Variants in KIAA1549L observed in about 807,000 individuals in gnomAD.
KIAA1549L encodes KIAA1549 like, also known as UPF0606 protein KIAA1549L.
KIAA1549L carries 88 observed loss-of-function variants against 160.7 expected under a neutral mutation model. That is an observed-to-expected ratio of 0.55 (90% CI 0.46 to 0.65). The LOEUF (loss-of-function observed/expected upper bound fraction) is 0.65. Ranked by LOEUF, KIAA1549L falls within the 30% of genes least tolerant of loss-of-function variation. The pLI, the probability that KIAA1549L is intolerant of heterozygous loss-of-function variation, is 0.00. For synonymous variants in KIAA1549L, 950 were observed against 976.7 expected, an observed-to-expected ratio of 0.97 and a Z score of 0.51; for missense variants, 2,258 against 2,437.5, an observed-to-expected ratio of 0.93 and a Z score of 1.55.
intron 3 of KIAA1549L, among the ~76,000 whole-genome samples, chr11:33,545,612 A>G (rs1854226029): frequency 6.6e-6 from 1 of 152,204 alleles, no homozygotes; most frequent in East Asian, 1.9e-4. Context: ...AATGCACAGA[A>G]CAGCCCCAAC....
chr11:33,565,328 G>A (rs1439788762), intron 8 of KIAA1549L, among the ~76,000 whole-genome samples: 3 of 152,152 alleles, frequency 2.0e-5, no homozygotes, highest in Non-Finnish European at 4.4e-5. Flanking sequence ...TAGCAAACAA[G>A]GGGCACATCG....
At chr11:33,461,454 A>G (rs576652418) in intron 1 of KIAA1549L, among the ~76,000 whole-genome samples, 1 of 152,280 alleles carries the variant, frequency 6.6e-6, no homozygotes, top group South Asian at 2.1e-4. Context: ...GGTTCTCCCC[A>G]CATGCCAGAC....
chr11:33,475,748 T>C (rs1444482292), intron 1 of KIAA1549L, among the ~76,000 whole-genome samples: 1 of 151,706 alleles, frequency 6.6e-6, no homozygotes, highest in Non-Finnish European at 1.5e-5. Context: ...TCCCAGCTGC[T>C]CAGAAGGCTG....
intron 1 of KIAA1549L, among the ~76,000 whole-genome samples, chr11:33,391,048 G>A (rs1834067068): frequency 1.3e-5 from 2 of 152,224 alleles, no homozygotes; most frequent in African/African-American, 4.8e-5. Flanking sequence ...TTATGTAAAA[G>A]GGAATAAGAT....
At chr11:33,387,071 C>T (rs1850188531) in intron 1 of KIAA1549L, among the ~76,000 whole-genome samples, 1 of 151,982 alleles carries the variant, frequency 6.6e-6, no homozygotes, top group Admixed American at 6.5e-5. Flanking sequence ...TGTGCCACTG[C>T]ACTCCAGCCT....
chr11:33,606,065 T>C (rs1273372640), intron 13 of KIAA1549L, among the ~76,000 whole-genome samples: 5 of 152,354 alleles, frequency 3.3e-5, no homozygotes, highest in South Asian at 2.1e-4. Context: ...TTTCGTAGCT[T>C]TCTTTTATTT....
At position 33,541,831 on chromosome 11, in the gene KIAA1549L, C is replaced by T; in HGVS notation, c.268C>T (p.Arg90Trp). 1.0e-5 allele frequency: 3 copies of T among 292,190 alleles called. No homozygotes were observed. The highest frequency in any genetic ancestry group is 6.5e-5 in the South Asian group (2 of 30,996). The allele number at this position is 292,190 out of a possible 1,614,324, so 18.1% of individuals were successfully genotyped here. A position where few individuals can be genotyped will look rare whatever the true frequency, so the allele number is the denominator to read the frequency against. The change falls in exon 2 of 21, where the codon CGG becomes TGG. Residue 90 changes from arginine to tryptophan, a missense_variant. Arg to Trp is a moderately radical substitution (Grantham distance 101). Transcript: ENST00000658780. The stretch of plus-strand genomic sequence containing the variant: ...AGACAATCTACAGATGAATGTCACC[C>T]GGACTCCAGAGTCATTTCCTCCCGG... ...GTDNLQMNVT[R>W]TPESFPPGKL...
chr11:33,569,656 C>T (rs1057116625), intron 9 of KIAA1549L, among the ~76,000 whole-genome samples: 1 of 152,224 alleles, frequency 6.6e-6, no homozygotes, highest in Non-Finnish European at 1.5e-5. Context: ...CTCCAGGTCC[C>T]TCCATTCGCA....
chr11:33,446,756 C>T (rs1203240473), intron 1 of KIAA1549L, among the ~76,000 whole-genome samples: 2 of 152,030 alleles, frequency 1.3e-5, no homozygotes, highest in Non-Finnish European at 2.9e-5. Flanking sequence ...TCCACATGGG[C>T]GTCTTCATGG....
At chr11:33,527,791 C>T (rs1384143239) in intron 1 of KIAA1549L, among the ~76,000 whole-genome samples, 1 of 152,036 alleles carries the variant, frequency 6.6e-6, no homozygotes, top group Non-Finnish European at 1.5e-5. Context: ...AGACAATTCT[C>T]AAAAGAAGAT....
chr11:33,664,047 A>G (rs1304324518), intron 20 of KIAA1549L, among the ~76,000 whole-genome samples: 1 of 152,184 alleles, frequency 6.6e-6, no homozygotes, highest in African/African-American at 2.4e-5. Context: ...CCAAGGACTC[A>G]GACAGCCCAA....
At chr11:33,628,829 T>A (rs143613187) in intron 16 of KIAA1549L, among the ~76,000 whole-genome samples, 3,421 of 152,060 alleles carry the variant, frequency 0.022, 132 homozygotes, top group African/African-American at 0.073. Flanking sequence ...CCTGTCATTA[T>A]GATGTTAGTT....
chr11:33,528,170 T>A (rs1286784879), intron 1 of KIAA1549L, among the ~76,000 whole-genome samples: 3 of 152,186 alleles, frequency 2.0e-5, no homozygotes, highest in African/African-American at 7.2e-5. Context: ...CTCAGGTATG[T>A]CTTTATTAGT....
intron 1 of KIAA1549L, among the ~76,000 whole-genome samples, chr11:33,489,735 C>A (rs1273140455): frequency 1.3e-5 from 2 of 152,166 alleles, no homozygotes; most frequent in African/African-American, 4.8e-5. Context: ...GCATCTGTCT[C>A]TTCCAACTAC....
At chr11:33,528,651 A>G (rs1853668730) in intron 1 of KIAA1549L, among the ~76,000 whole-genome samples, 1 of 152,348 alleles carries the variant, frequency 6.6e-6, no homozygotes. Flanking sequence ...ACTCAACCAT[A>G]AAAAGGAATG....
chr11:33,650,213 C>A (rs80130595), intron 17 of KIAA1549L, among the ~76,000 whole-genome samples: 1,582 of 152,222 alleles, frequency 0.01, 33 homozygotes, highest in African/African-American at 0.036. Flanking sequence ...GGAACGGCCC[C>A]AAGAAATCCT....
chr11:33,605,800 A>G (rs1213940643), intron 13 of KIAA1549L, among the ~76,000 whole-genome samples: 3 of 152,234 alleles, frequency 2.0e-5, no homozygotes, highest in Non-Finnish European at 4.4e-5. Context: ...TTGCCTAGCC[A>G]TGCTCAATAA....
intron 1 of KIAA1549L, among the ~76,000 whole-genome samples, chr11:33,385,755 T>C (rs1393587380): frequency 1.3e-5 from 2 of 152,136 alleles, no homozygotes; most frequent in Admixed American, 6.5e-5. Context: ...TGTTTTTTTT[T>C]TTAATCCGTG....
Position 33,435,774 on chromosome 11 carries a change from A to G in KIAA1549L, c.238+58885A>G, listed in dbSNP as rs1387427297. On this transcript the variant is annotated intron_variant, in intron 1 of 20. Transcript: ENST00000658780. ...GAACCAATAAGATATATATATATATATATATATATATATATATATATATAT... is the reference window on the plus strand; with the variant it reads ...GAACCAATAAGATATATATATATATGTATATATATATATATATATATATAT... Among the ~76,000 whole-genome samples, 28 of 6,114 alleles carry G rather than the reference A, an allele frequency of 4.6e-3. 1 individual carries two copies. The highest frequency in any genetic ancestry group is 0.011 in the African/African-American group (9 of 856). The allele number at this position is 6,114 out of a possible 152,430, so 4.0% of individuals were successfully genotyped here.
Sources: gnomAD v4.1 joint callset for allele counts (sites outside exome capture counted in the v4.1 genomes callset) on GRCh38, gnomAD v4.1.1 for gene constraint, MANE v1.5 for transcripts, NCBI Gene and HGNC (gene_info 2026-07-23, HGNC 2026-07-21) for gene names.